The following TMEM132D variants were observed in gnomAD, a reference collection of about 807,000 sequenced individuals.
TMEM132D encodes mature OL transmembrane protein.
TMEM132D carries 21 observed loss-of-function variants against 62.3 expected under a neutral mutation model. The observed-to-expected ratio is 0.34, with a 90% CI of 0.24 to 0.49. The LOEUF (loss-of-function observed/expected upper bound fraction) is 0.49, where lower values mean the gene tolerates loss of function less well. TMEM132D is among the 20% of genes least tolerant of loss of function. The probability of loss-of-function intolerance (pLI) is 0.99; values close to 1 mark genes in which losing one functional copy is unlikely to be tolerated. For synonymous variants in TMEM132D, 621 were observed against 575.6 expected, an observed-to-expected ratio of 1.08 and a Z score of -1.13; for missense variants, 1,346 against 1,402.8, an observed-to-expected ratio of 0.96 and a Z score of 0.65.
At chr12:129,622,995 C>T (rs908949111) in intron 2 of TMEM132D, among the ~76,000 whole-genome samples, 13 of 152,006 alleles carry the variant, frequency 8.6e-5, no homozygotes, top group Admixed American at 5.9e-4. Context: ...TAAGTTCATC[C>T]GCAATAGAAG....
At chr12:129,569,437 C>T (rs1877453057) in intron 2 of TMEM132D, among the ~76,000 whole-genome samples, 1 of 152,100 alleles carries the variant, frequency 6.6e-6, no homozygotes, top group Admixed American at 6.5e-5. Context: ...TAAGTGCCAC[C>T]ATCTCCTTGG....
chr12:129,834,024 G>A (rs964971792), intron 1 of TMEM132D, among the ~76,000 whole-genome samples: 2 of 152,132 alleles, frequency 1.3e-5, no homozygotes, highest in African/African-American at 2.4e-5. Flanking sequence ...TGTCATCTCT[G>A]TTCTTCCTCC....
At chr12:129,335,696 C>T (rs543146557) in intron 4 of TMEM132D, among the ~76,000 whole-genome samples, 6 of 151,554 alleles carry the variant, frequency 4.0e-5, no homozygotes, top group African/African-American at 9.7e-5. Context: ...GGAGAATTGT[C>T]GAAGATGCTG....
intron 1 of TMEM132D, among the ~76,000 whole-genome samples, chr12:129,781,265 C>T (rs35483603): frequency 0.11 from 16,253 of 152,056 alleles, 1,174 homozygotes; most frequent in East Asian, 0.2. Flanking sequence ...GGTTGCGTCA[C>T]AAGATTTCTG....
At chr12:129,406,765 C>T in intron 3 of TMEM132D, among the ~76,000 whole-genome samples, 1 of 152,194 alleles carries the variant, frequency 6.6e-6, no homozygotes, top group East Asian at 1.9e-4. Flanking sequence ...TTAAATTAGA[C>T]TCCAGTGTGG....
chr12:129,411,979 G>A (rs563780472), intron 3 of TMEM132D, among the ~76,000 whole-genome samples: 21 of 152,240 alleles, frequency 1.4e-4, no homozygotes, highest in African/African-American at 5.1e-4. Context: ...ATTACCAAAT[G>A]AAATTTTGAC....
intron 4 of TMEM132D, among the ~76,000 whole-genome samples, chr12:129,300,169 T>G (rs1191234343): frequency 1.3e-5 from 2 of 152,154 alleles, no homozygotes; most frequent in Non-Finnish European, 2.9e-5. Context: ...GGAGAATACT[T>G]GAGCCAGCTA....
In TMEM132D at chr12:129,112,451, C is replaced by T. The variant is rs140341021; in HGVS notation, c.1444-27749G>A. Among the ~76,000 whole-genome samples the T allele has an allele frequency of 4.4e-3, 663 of 152,262 alleles. 3 individuals carry two copies. The highest frequency in any genetic ancestry group is 0.015 in the African/African-American group (636 of 41,534). Reference sequence around the variant, plus strand: ...CCAAGGCGGACGGATCATCTGAGGTCGGGAGTTCGAGACCATCCTGACCAA... The same window carrying T: ...CCAAGGCGGACGGATCATCTGAGGTTGGGAGTTCGAGACCATCCTGACCAA... On this transcript the variant is annotated intron_variant, in intron 5 of 8. Transcript: ENST00000422113.
intron 1 of TMEM132D, among the ~76,000 whole-genome samples, chr12:129,806,599 T>C (rs1304639419): frequency 6.8e-6 from 1 of 147,756 alleles, no homozygotes; most frequent in Non-Finnish European, 1.5e-5. Flanking sequence ...TGCTAGATGA[T>C]GAGTTAGTGG....
intron 1 of TMEM132D, among the ~76,000 whole-genome samples, chr12:129,744,381 T>C (rs1869706787): frequency 6.6e-6 from 1 of 152,144 alleles, no homozygotes. Context: ...AAGATTCCTG[T>C]TTAGTTATTA....
chr12:129,159,661 T>G (rs1334292548), intron 5 of TMEM132D, among the ~76,000 whole-genome samples: 1 of 146,138 alleles, frequency 6.8e-6, no homozygotes, highest in Admixed American at 7.1e-5. Flanking sequence ...CTTGGGTGGC[T>G]AAGGCATGAG....
intron 2 of TMEM132D, among the ~76,000 whole-genome samples, chr12:129,632,993 C>G (rs1196527082): frequency 1.3e-5 from 2 of 152,198 alleles, no homozygotes; most frequent in Non-Finnish European, 2.9e-5. Flanking sequence ...ATGTCTGATT[C>G]ACTTTAAATC....
chr12:129,733,668 T>C (rs775069839), intron 1 of TMEM132D, among the ~76,000 whole-genome samples: 46 of 145,886 alleles, frequency 3.2e-4, no homozygotes, highest in Non-Finnish European at 6.4e-4. Context: ...ACAATCGCTC[T>C]GGTTACTAAA....
chr12:129,232,253 C>T (rs1879662826), intron 4 of TMEM132D, among the ~76,000 whole-genome samples: 1 of 152,172 alleles, frequency 6.6e-6, no homozygotes, highest in African/African-American at 2.4e-5. Flanking sequence ...TTCCAGAGTG[C>T]CTTCTACTCT....
intron 2 of TMEM132D, among the ~76,000 whole-genome samples, chr12:129,531,786 G>C (rs1289153681): frequency 6.6e-6 from 1 of 152,120 alleles, no homozygotes; most frequent in Non-Finnish European, 1.5e-5. Flanking sequence ...GCCCAGCCCT[G>C]TTTGCTTTTT....
intron 5 of TMEM132D, among the ~76,000 whole-genome samples, chr12:129,156,167 C>T (rs377466316): frequency 5.5e-5 from 8 of 145,368 alleles, no homozygotes; most frequent in East Asian, 2.1e-4. Context: ...CAATATAAAC[C>T]AACCTATTCC....
At chr12:129,517,007 C>A (rs1247216275) in intron 3 of TMEM132D, among the ~76,000 whole-genome samples, 1 of 152,188 alleles carries the variant, frequency 6.6e-6, no homozygotes, top group Non-Finnish European at 1.5e-5. Context: ...GCCTCTCTCT[C>A]CTCTGTAATT....
chr12:129,627,247 C>T (rs992849241), intron 2 of TMEM132D, among the ~76,000 whole-genome samples: 1 of 152,160 alleles, frequency 6.6e-6, no homozygotes, highest in African/African-American at 2.4e-5. Flanking sequence ...TGCTCACATA[C>T]GAATCATGTA....
intron 3 of TMEM132D, among the ~76,000 whole-genome samples, chr12:129,357,385 G>A (rs899895916): frequency 1.4e-5 from 2 of 145,198 alleles, no homozygotes; most frequent in African/African-American, 2.6e-5. Context: ...GAGGGAGGGA[G>A]GGAAGGAAGG....
Sources: allele counts gnomAD v4.1 joint callset (sites outside exome capture counted in the v4.1 genomes callset), GRCh38; gene constraint gnomAD v4.1.1; transcripts MANE v1.5; gene names NCBI Gene and HGNC (gene_info 2026-07-23, HGNC 2026-07-21).